Variants in SV2C observed in about 807,000 individuals in gnomAD.
SV2C encodes the protein synaptic vesicle glycoprotein 2C.
Under a neutral mutation model 79.7 loss-of-function variants are expected in SV2C, and 49 were observed. The ratio of observed to expected loss-of-function variants is 0.61; its 90% CI spans 0.49 to 0.78. SV2C has a LOEUF of 0.78. SV2C is among the 30% of genes least tolerant of loss of function. The probability of loss-of-function intolerance (pLI) is 0.00; values close to 1 mark genes in which losing one functional copy is unlikely to be tolerated. For missense variants in SV2C, 833 were observed against 912.9 expected, an observed-to-expected ratio of 0.91 and a Z score of 1.13; for synonymous variants, 334 against 333.2, an observed-to-expected ratio of 1.00 and a Z score of -0.03.
At chr5:76,175,071 G>A (rs567977036) in intron 2 of SV2C, among the ~76,000 whole-genome samples, 1 of 152,332 alleles carries the variant, frequency 6.6e-6, no homozygotes, top group African/African-American at 2.4e-5. Flanking sequence ...AAGGGAAGGA[G>A]AGGGGGCATG....
chr5:76,297,554 T>A (rs1289670246), intron 9 of SV2C, among the ~76,000 whole-genome samples: 2 of 152,250 alleles, frequency 1.3e-5, no homozygotes, highest in East Asian at 3.9e-4. Context: ...ACAGAAAAAA[T>A]TGATAACTTT....
intron 1 of SV2C, among the ~76,000 whole-genome samples, chr5:76,116,378 T>C (rs1312174247): frequency 6.6e-6 from 1 of 152,212 alleles, no homozygotes; most frequent in Non-Finnish European, 1.5e-5. Context: ...TCCTGCCACA[T>C]CACAAGTGCA....
At chr5:76,079,072 G>T, upstream of SV2C, 1 of 393,354 alleles carries the variant, frequency 2.5e-6, no homozygotes, top group South Asian at 2.2e-5. Flanking sequence ...GGTTGAATAT[G>T]ACATAGATGA....
At chr5:76,175,565 T>C (rs1332490120) in intron 2 of SV2C, among the ~76,000 whole-genome samples, 6 of 152,190 alleles carry the variant, frequency 3.9e-5, no homozygotes, top group African/African-American at 1.4e-4. Flanking sequence ...ATTTCCCCCA[T>C]ATCCCAGACA....
In SV2C at chr5:76,330,079, A is replaced by C. The variant is rs79191079; in HGVS notation, c.*4532A>C. The C allele has an allele frequency of 6.8e-6, 1 of 146,322 alleles. No individual in the cohort carries two copies. The highest frequency in any genetic ancestry group is 2.2e-4 in the South Asian group (1 of 4,554). The allele number at this position is 146,322 out of a possible 1,614,324, so 9.1% of individuals were successfully genotyped here. A position where few individuals can be genotyped will look rare whatever the true frequency, so the allele number is the denominator to read the frequency against. On this transcript the variant is annotated 3_prime_UTR_variant, in exon 13 of 13. Coordinates refer to ENST00000502798, the MANE Select transcript of SV2C (RefSeq NM_014979.4). ...GTAATGTAGACAAAAAAAAAAAAAA[A>C]CCTGTTAGTATATTCTGGATGTATT...
chr5:75,942,680 T>C, the SV2C span, among the ~76,000 whole-genome samples: 2 of 152,204 alleles, frequency 1.3e-5, no homozygotes, highest in Non-Finnish European at 2.9e-5. Context: ...AATTTATTCC[T>C]AGGGATCAAA....
At chr5:76,349,592 A>C (rs187380451) in intron 12 of SV2C, among the ~76,000 whole-genome samples, 84 of 152,318 alleles carry the variant, frequency 5.5e-4, no homozygotes, top group African/African-American at 1.9e-3. Context: ...TTGTCAGAAA[A>C]TGACTGACTA....
intron 4 of SV2C, among the ~76,000 whole-genome samples, chr5:76,242,571 G>C (rs1222410921): frequency 6.6e-6 from 1 of 152,150 alleles, no homozygotes; most frequent in Non-Finnish European, 1.5e-5. Flanking sequence ...TGGCCTCATG[G>C]CTTCAAGTGA....
At chr5:76,323,950 G>A (rs1748906887) in intron 12 of SV2C, among the ~76,000 whole-genome samples, 2 of 152,078 alleles carry the variant, frequency 1.3e-5, no homozygotes, top group Non-Finnish European at 2.9e-5. Flanking sequence ...AAACCACCAT[G>A]GCACATGTAT....
At chr5:75,917,485 T>C in the SV2C span, among the ~76,000 whole-genome samples, 1 of 152,188 alleles carries the variant, frequency 6.6e-6, no homozygotes, top group Non-Finnish European at 1.5e-5. Context: ...TTTTCACATA[T>C]AATAATCTAT....
chr5:76,279,167 T>C (rs912984670), intron 4 of SV2C, among the ~76,000 whole-genome samples: 1 of 152,140 alleles, frequency 6.6e-6, no homozygotes, highest in Non-Finnish European at 1.5e-5. Context: ...TCCTTGATAG[T>C]GTGGCAGGAA....
At chr5:76,004,458 T>C in the SV2C span, among the ~76,000 whole-genome samples, 1 of 152,172 alleles carries the variant, frequency 6.6e-6, no homozygotes, top group Non-Finnish European at 1.5e-5. Context: ...ATGAGGTGTA[T>C]AAAGCATATA....
chr5:75,859,010 C>T, the SV2C span, among the ~76,000 whole-genome samples: 12 of 151,284 alleles, frequency 7.9e-5, no homozygotes, highest in African/African-American at 2.7e-4. Flanking sequence ...AAAGGTTTGT[C>T]AATTTTGTTT....
intron 10 of SV2C, among the ~76,000 whole-genome samples, chr5:76,300,088 G>A (rs1157458693): frequency 6.6e-6 from 1 of 151,814 alleles, no homozygotes; most frequent in Admixed American, 6.6e-5. Context: ...TTAGAGACAG[G>A]GTCTTGCTCT....
chr5:75,935,254 G>A, the SV2C span, among the ~76,000 whole-genome samples: 1 of 151,950 alleles, frequency 6.6e-6, no homozygotes, highest in African/African-American at 2.4e-5. Context: ...CATTAGGCTG[G>A]TAAAGATTTT....
At chr5:76,232,466 G>T (rs11746473) in intron 4 of SV2C, among the ~76,000 whole-genome samples, 42,116 of 140,050 alleles carry the variant, frequency 0.3, 6,404 homozygotes, top group Non-Finnish European at 0.35. Context: ...GTCAATTTTG[G>T]CTTTTGTTGC....
chr5:76,205,115 T>C (rs1366177079), intron 3 of SV2C, among the ~76,000 whole-genome samples: 1 of 152,052 alleles, frequency 6.6e-6, no homozygotes, highest in Non-Finnish European at 1.5e-5. Flanking sequence ...ATGCCTAGTA[T>C]TGAGTCATGT....
chr5:76,247,589 C>T (rs1745981663), intron 4 of SV2C, among the ~76,000 whole-genome samples: 1 of 152,178 alleles, frequency 6.6e-6, no homozygotes, highest in Non-Finnish European at 1.5e-5. Context: ...GTTCTTTCTT[C>T]CAGTTGCTGT....
rs1749123160 is a variant in SV2C, at chr5:76,329,889, G to A, written c.*4342G>A. The A allele has an allele frequency of 6.6e-6, 1 of 151,748 alleles. No individual in the cohort carries two copies. The highest frequency in any genetic ancestry group is 1.5e-5 in the Non-Finnish European group (1 of 67,912). The allele number at this position is 151,748 out of a possible 1,614,324, so 9.4% of individuals were successfully genotyped here. ...AAGGGGCATATCGGCTGTATGTTAG[G>A]TTTTCTTTAATCCTCACATCGTGCC... On this transcript the variant is annotated 3_prime_UTR_variant, in exon 13 of 13. Coordinates refer to ENST00000502798, the MANE Select transcript of SV2C (RefSeq NM_014979.4).
Sources: allele counts gnomAD v4.1 joint callset (sites outside exome capture counted in the v4.1 genomes callset), GRCh38; gene constraint gnomAD v4.1.1; transcripts MANE v1.5; gene names NCBI Gene and HGNC (gene_info 2026-07-23, HGNC 2026-07-21).